The following TTN variants were observed in gnomAD, a reference collection of about 807,000 sequenced individuals.
TTN encodes the protein titin, also known as connectin.
Under a neutral mutation model 3,223.0 loss-of-function variants are expected in TTN, and 1,525 were observed. The ratio of observed to expected loss-of-function variants is 0.47; its 90% CI spans 0.45 to 0.49. TTN has a LOEUF of 0.49. Among genes scored for constraint, TTN ranks in the 20% least tolerant of loss-of-function variants. The pLI, the probability that TTN is intolerant of heterozygous loss-of-function variation, is 0.00. For missense variants in TTN, 40,786 were observed against 43,424.0 expected (o/e 0.94, Z 5.40); for synonymous variants, 14,094 against 15,161.0 (o/e 0.93, Z 5.17).
chr2:178,679,700 A>G lies in TTN; in HGVS notation c.33581-18T>C, dbSNP rs148392677. The stretch of plus-strand genomic sequence containing the variant: ...CTCAGGCACTTTAAAGATATTATTA[A>G]GAATGTTGGAAATTTTGCAGGAAAG... On this transcript the variant is annotated intron_variant, in intron 140 of 362. Coordinates refer to ENST00000589042, the MANE Select transcript of TTN (RefSeq NM_001267550.2). 3,438 of 1,591,434 alleles carry G rather than the reference A, an allele frequency of 2.2e-3. 52 individuals carry two copies. Among genetic ancestry groups the G allele is most frequent in the South Asian group, 0.021 (1,838 of 86,138 alleles).
In TTN at chr2:178,532,475, G is replaced by A; in HGVS notation, c.104140C>T (p.Gln34714Ter). The change falls in exon 358 of 363, where the codon CAA becomes TAA. Residue 34714 changes from glutamine to a stop codon, truncating the protein, a stop_gained. Transcript: ENST00000589042. LOFTEE classifies it high-confidence loss of function. ...GTTTCCTCCACCTTGACATGAGCTT[G>A]TGGTGAAGAGTAACGTAGGCTAGAA... The part of the protein sequence containing the change: ...ELSSLRYSSP[Q>*]AHVKVEETRK... 6.2e-7 allele frequency: 1 copy of A among 1,614,012 alleles called. No individual in the cohort carries two copies. The highest frequency in any genetic ancestry group is 8.5e-7 in the Non-Finnish European group (1 of 1,179,884).
At chr2:178,683,907 T>G in intron 133 of TTN, 92 bp downstream of exon 133, 1 of 893,982 alleles carries the variant, frequency 1.1e-6, no homozygotes, top group Non-Finnish European at 1.6e-6. Context: ...ATACTATGTC[T>G]TTTTTTTTCT....
At chr2:178,719,117 A>G (rs771728062) in intron 83 of TTN, 47 bp downstream of exon 83, 41 of 1,568,390 alleles carry the variant, frequency 2.6e-5, no homozygotes, top group Non-Finnish European at 8.6e-7. Flanking sequence ...CCACGTCCAC[A>G]TGAAAGAGGT....
chr2:178,529,694 T>C (rs757470733), intron 359 of TTN, among the ~76,000 whole-genome samples: 1 of 152,248 alleles, frequency 6.6e-6, no homozygotes, highest in Non-Finnish European at 1.5e-5. Flanking sequence ...TTCTTAAATA[T>C]TCCTGGGAGC....
At chr2:178,791,949 C>A in intron 10 of TTN, 123 bp downstream of exon 10, 1 of 1,075,704 alleles carries the variant, frequency 9.3e-7, no homozygotes, top group Non-Finnish European at 1.3e-6. Flanking sequence ...CATAGAGGAA[C>A]AATAACAAAA....
chr2:178,785,336 TTGAG>T (rs2093096243), intron 15 of TTN, among the ~76,000 whole-genome samples: 1 of 152,166 alleles, frequency 6.6e-6, no homozygotes, highest in South Asian at 2.1e-4. Flanking sequence ...ATCAAAACAA[TTGAG>T]TTTGAGCTGT....
At chr2:178,625,971 T>G (rs2058976356) in intron 240 of TTN, among the ~76,000 whole-genome samples, 1 of 151,978 alleles carries the variant, frequency 6.6e-6, no homozygotes, top group South Asian at 2.1e-4. Context: ...TGGTCTTTTT[T>G]GCATATGCGT....
chr2:178,691,026 A>T (rs2072274504), intron 121 of TTN, among the ~76,000 whole-genome samples: 1 of 152,346 alleles, frequency 6.6e-6, no homozygotes, highest in South Asian at 2.1e-4. Context: ...TGTCTCAAGT[A>T]GCTTTAGTAT....
At chr2:178,600,479 A>G (rs1032298860) in intron 288 of TTN, 6 of 201,196 alleles carry the variant, frequency 3.0e-5, no homozygotes, top group African/African-American at 1.4e-4. Flanking sequence ...CATATAGAGA[A>G]ATAAAAACTT....
chr2:178,770,003 A>G, intron 36 of TTN, 57 bp downstream of exon 36: 1 of 1,614,170 alleles, frequency 6.2e-7, no homozygotes. Flanking sequence ...GAAACCAAAC[A>G]AATAGATACA....
rs2154271129 is a variant in TTN, at chr2:178,681,644, T to C, written c.33172+17A>G. 1 of 1,597,844 alleles carries C rather than the reference T, an allele frequency of 6.3e-7. No individual in the cohort carries two copies. The highest frequency in any genetic ancestry group is 8.5e-7 in the Non-Finnish European group (1 of 1,174,596). ...AACAAAGATCTCTTACAGGTAATAA[T>C]GTTTTTTTCACTCTACCTTTAGCCG... On this transcript the variant is annotated intron_variant, in intron 136 of 362. Transcript: ENST00000589042.
At position 178,782,405 on chromosome 2, in the gene TTN, C is replaced by G. The variant is rs1160045308; in HGVS notation, c.3187G>C (p.Val1063Leu). 1.2e-6 allele frequency: 2 copies of G among 1,614,110 alleles called. No homozygotes were observed. The highest frequency in any genetic ancestry group is 1.7e-6 in the Non-Finnish European group (2 of 1,179,992). ...EKRFVESRDVVMTDTSLTEEQ... is the reference protein window; with the variant it reads ...EKRFVESRDVLMTDTSLTEEQ... Reference sequence around the variant, plus strand: ...TCTGTGAGGCTAGTATCAGTCATAACCACATCTCTTGACTCAACAAAGCTG... The same window carrying G: ...TCTGTGAGGCTAGTATCAGTCATAAGCACATCTCTTGACTCAACAAAGCTG... Residue 1063 changes from valine (V) to leucine (L), a missense_variant, in exon 20 of 363, where the codon GTT becomes CTT. Val to Leu is a conservative substitution (Grantham distance 32). Coordinates refer to ENST00000589042, the MANE Select transcript of TTN (RefSeq NM_001267550.2).
In TTN at chr2:178,746,406, T is replaced by C. The variant is rs375225826; in HGVS notation, c.11312-4485A>G. 28 of 1,609,422 alleles carry C rather than the reference T, an allele frequency of 1.7e-5. No individual in the cohort carries two copies. The South Asian group carries it at 2.3e-4, about 13-fold the overall frequency. ...TGGTCAGGAGTAAATTCGGGAACTG[T>C]CACTATTTTCACCTGCTTCTCAAAT... is the stretch of plus-strand genomic sequence containing the variant. On this transcript the variant is annotated intron_variant, in intron 47 of 362. Coordinates refer to ENST00000589042, the MANE Select transcript of TTN (RefSeq NM_001267550.2).
In TTN at chr2:178,548,844, C is replaced by G. The variant is rs397517756; in HGVS notation, c.92782G>C (p.Asp30928His). The G allele has an allele frequency of 1.2e-4, 200 of 1,613,172 alleles. No homozygotes were observed. Among genetic ancestry groups the G allele is most frequent in the Admixed American group, 3.2e-4 (19 of 59,982 alleles). Residue 30928 changes from aspartate (D) to histidine (H), a missense_variant, in exon 339 of 363, where the codon GAT (aspartate) becomes CAT (histidine). By Grantham distance (81) the Asp-to-His change is moderately conservative (BLOSUM62 -1). Transcript: ENST00000589042. The surrounding 1 kb of genome is among the most constrained non-coding windows in gnomAD (Gnocchi z 4.3). Reference protein sequence around the residue: ...DRLTAPELDIDANFKQTHVVR... With the variant: ...DRLTAPELDIHANFKQTHVVR... ...ACATGAGTCTGTTTGAAGTTTGCAT[C>G]TATGTCTAACTCAGGAGCTGTTAAC...
At position 178,681,077 on chromosome 2, in the gene TTN, A is replaced by AC. The variant is rs794729310; in HGVS notation, c.33340+1dup. The AC allele has an allele frequency of 1.9e-6, 3 of 1,597,436 alleles. No individual in the cohort carries two copies. The African/African-American group carries it at 4.1e-5, about 22-fold the overall frequency. On this transcript the variant is annotated splice_donor_variant, in intron 138 of 362. Transcript: ENST00000589042. LOFTEE classifies it high-confidence loss of function. ...CACAATCGAGGAAGGAAATCATTATACCTTTAGCAGCGGGTTCAGTCACCT... is the reference window on the plus strand; with the variant it reads ...CACAATCGAGGAAGGAAATCATTATACCCTTTAGCAGCGGGTTCAGTCACCT...
rs72648241 is a variant in TTN, at chr2:178,552,993, G to T, written c.89907C>A (p.Val29969=). The T allele has an allele frequency of 1.4e-5, 23 of 1,611,840 alleles. No homozygotes were observed. Among genetic ancestry groups the T allele is most frequent in the Non-Finnish European group, 1.7e-5 (20 of 1,179,778 alleles). Residue 29969 remains valine, a synonymous_variant, in exon 335 of 363, where the codon GTC becomes GTA. Coordinates refer to ENST00000589042, the MANE Select transcript of TTN (RefSeq NM_001267550.2). ...IDGGSPIINY[V]IEKRDATKRT... ...TCTTGGTGGCATCTCTCTTTTCAAT[G>T]ACATAATTAATTATTGGAGATCCTC...
In TTN at chr2:178,539,661, G is replaced by T. The variant is rs1165279106; in HGVS notation, c.98404C>A (p.Pro32802Thr). The T allele has an allele frequency of 1.2e-6, 2 of 1,613,554 alleles. No individual in the cohort carries two copies. Among genetic ancestry groups the T allele is most frequent in the Admixed American group, 1.7e-5 (1 of 59,980 alleles). ...ACTTGGATGTCATCATATTCCAGTG[G>T]CCCTTCTGGACTGTTGGGACTTCCT... ...VIGSPNSPEG[P>T]LEYDDIQVRS... is the part of the protein sequence containing the mutation. Residue 32802 changes from proline (P) to threonine (T), a missense_variant, in exon 352 of 363, where the codon CCA (proline) becomes ACA (threonine). Coordinates refer to ENST00000589042, the MANE Select transcript of TTN (RefSeq NM_001267550.2).
At chr2:178,764,327 G>T (rs776198937) in intron 42 of TTN, 25 bp from the exon 43 acceptor site, 119 of 1,613,294 alleles carry the variant, frequency 7.4e-5, no homozygotes, top group Non-Finnish European at 1.0e-4. Context: ...CACAAGATTT[G>T]TCATGATTAA....
In TTN at chr2:178,562,951, T is replaced by A; in HGVS notation, c.83181A>T (p.Ser27727=). 6.2e-7 allele frequency: 1 copy of A among 1,613,704 alleles called. No individual in the cohort carries two copies. Among genetic ancestry groups the A allele is most frequent in the East Asian group, 2.2e-5 (1 of 44,792 alleles). The change falls in exon 326 of 363, where the codon TCA becomes TCT. Residue 27727 remains serine, a synonymous_variant. Coordinates refer to ENST00000589042, the MANE Select transcript of TTN (RefSeq NM_001267550.2). ...CATTATCAATCACCAACATTGTAAA[T>A]GAGCTGGTCACCTCTATCTGAGCCC... The part of the protein sequence containing the change: ...TDRAQIEVTS[S]FTMLVIDNVT...
Sources: gnomAD v4.1 joint callset for allele counts (sites outside exome capture counted in the v4.1 genomes callset) on GRCh38, gnomAD v4.1.1 for gene constraint, Gnocchi (gnomAD v3.1) non-coding constraint, MANE v1.5 for transcripts, NCBI Gene and HGNC (gene_info 2026-07-23, HGNC 2026-07-21) for gene names.